Variants in SPATA31H1 observed in about 807,000 individuals in gnomAD.
SPATA31H1 encodes spermatogenesis-associated protein 31H1.
chr2:27,565,278 A>G, the SPATA31H1 span: 3 of 707,086 alleles, frequency 4.2e-6, no homozygotes, highest in Non-Finnish European at 5.2e-6. Context: ...AGTGCTGTCA[A>G]TAAAGTCTCT....
the SPATA31H1 span, chr2:27,578,238 A>C: frequency 1.2e-6 from 2 of 1,614,180 alleles, no homozygotes; most frequent in Non-Finnish European, 1.7e-6. Flanking sequence ...AGAGCACCAC[A>C]CAGGGCCATG....
At chr2:27,576,562 A>G in the SPATA31H1 span, 1 of 1,544,448 alleles carries the variant, frequency 6.5e-7, no homozygotes, top group South Asian at 1.3e-5. Flanking sequence ...TGCTTTCAAG[A>G]TGTAAAACCT....
At chr2:27,582,467 C>G in the SPATA31H1 span, 9 of 1,613,414 alleles carry the variant, frequency 5.6e-6, no homozygotes, top group Non-Finnish European at 7.6e-6. Flanking sequence ...CAACTCTCCT[C>G]GGGACCACAC....
At chr2:27,572,696 G>A in the SPATA31H1 span, 1 of 398,092 alleles carries the variant, frequency 2.5e-6, no homozygotes, top group East Asian at 3.6e-5. Context: ...CAGGACCTGA[G>A]TTCCAAGGTG....
At chr2:27,571,475 G>T in the SPATA31H1 span, 1 of 398,452 alleles carries the variant, frequency 2.5e-6, no homozygotes, top group South Asian at 1.3e-4. Flanking sequence ...CTGTGGAGTT[G>T]ACTCCATGTT....
At chr2:27,560,606 C>T in the SPATA31H1 span, among the ~76,000 whole-genome samples, 4 of 151,980 alleles carry the variant, frequency 2.6e-5, no homozygotes, top group Admixed American at 6.6e-5. Flanking sequence ...TACAGGCGCC[C>T]GCCTCCACAC....
chr2:27,582,557 C>T, the SPATA31H1 span: 2 of 1,544,512 alleles, frequency 1.3e-6, no homozygotes, highest in African/African-American at 2.8e-5. Context: ...ATTCATTGTC[C>T]TAAGTCTTCA....
the SPATA31H1 span, chr2:27,566,254 A>G: frequency 5.6e-5 from 40 of 712,394 alleles, no homozygotes; most frequent in East Asian, 1.0e-3. Context: ...CTTTAATGAA[A>G]CTTCAATTAC....
chr2:27,579,013 A>C, the SPATA31H1 span: 62 of 1,614,056 alleles, frequency 3.8e-5, no homozygotes, highest in Non-Finnish European at 2.8e-5. Flanking sequence ...CCATGTCCTG[A>C]GATTCTAGGA....
chr2:27,560,378 T>C, the SPATA31H1 span, among the ~76,000 whole-genome samples: 3 of 152,192 alleles, frequency 2.0e-5, no homozygotes, highest in Non-Finnish European at 4.4e-5. Flanking sequence ...GTACATTTTA[T>C]AATCAATAGC....
the SPATA31H1 span, chr2:27,577,835 G>A: frequency 1.9e-6 from 3 of 1,614,018 alleles, no homozygotes; most frequent in Admixed American, 1.7e-5. The surrounding 1 kb of genome is among the most constrained non-coding windows in gnomAD (Gnocchi z 4.5). Flanking sequence ...AGGTGCCCCT[G>A]AAGCAAACAA....
chr2:27,567,107 C>T, the SPATA31H1 span: 20 of 710,184 alleles, frequency 2.8e-5, no homozygotes, highest in South Asian at 2.3e-4. Context: ...GCTCTTTTAT[C>T]AACTCTATTT....
At chr2:27,566,377 A>G in the SPATA31H1 span, 1 of 717,372 alleles carries the variant, frequency 1.4e-6, no homozygotes, top group South Asian at 1.5e-5. Flanking sequence ...ATACCTAGAA[A>G]GCGCAAGGTC....
At chr2:27,582,660 G>T in the SPATA31H1 span, 10 of 848,226 alleles carry the variant, frequency 1.2e-5, no homozygotes, top group Non-Finnish European at 1.7e-5. Flanking sequence ...CTCTCTACCG[G>T]GGGGGAGGCG....
the SPATA31H1 span, chr2:27,565,201 A>T: frequency 1.6e-6 from 1 of 615,068 alleles, no homozygotes; most frequent in Admixed American, 2.8e-5. Flanking sequence ...ACATGTGGTT[A>T]TGGATGCCAA....
chr2:27,556,063 C>T, the SPATA31H1 span, among the ~76,000 whole-genome samples: 4 of 140,816 alleles, frequency 2.8e-5, no homozygotes, highest in Non-Finnish European at 6.0e-5. Flanking sequence ...ATTGGGGAGG[C>T]GGAGGTTGCA....
the SPATA31H1 span, among the ~76,000 whole-genome samples, chr2:27,538,594 G>A: frequency 6.6e-6 from 1 of 152,168 alleles, no homozygotes; most frequent in African/African-American, 2.4e-5. Flanking sequence ...CACTTTGGGA[G>A]GCAGAGGTGG....
chr2:27,546,707 G>GT, the SPATA31H1 span, among the ~76,000 whole-genome samples: 3 of 151,814 alleles, frequency 2.0e-5, no homozygotes, highest in Non-Finnish European at 4.4e-5. Context: ...TAATTTTTGT[G>GT]TTTTTTGTGG....
chr2:27,576,569 AC>A, the SPATA31H1 span: 1 of 1,552,574 alleles, frequency 6.4e-7, no homozygotes, highest in Non-Finnish European at 8.7e-7. Flanking sequence ...AAGATGTAAA[AC>A]CTATGGAGCT....
Sources: allele counts gnomAD v4.1 joint callset (sites outside exome capture counted in the v4.1 genomes callset), GRCh38; gene constraint gnomAD v4.1.1; non-coding constraint Gnocchi (gnomAD v3.1); transcripts MANE v1.5; gene names NCBI Gene and HGNC (gene_info 2026-07-23, HGNC 2026-07-21).